Variants in MLLT1 observed in about 807,000 individuals in gnomAD.
MLLT1 encodes the protein protein ENL.
MLLT1 carries 11 observed loss-of-function variants against 55.1 expected under a neutral mutation model. The ratio of observed to expected loss-of-function variants is 0.20; its 90% CI spans 0.13 to 0.33. The LOEUF is 0.33. Ranked by LOEUF, MLLT1 falls within the 10% of genes least tolerant of loss-of-function variation. The probability of loss-of-function intolerance (pLI) is 1.00; values close to 1 mark genes in which losing one functional copy is unlikely to be tolerated. For missense variants in MLLT1, 536 were observed against 760.6 expected (o/e 0.70, Z 3.47); for synonymous variants, 323 against 320.1 (o/e 1.01, Z -0.10).
At chr19:6,215,705 G>C (rs146166579) in intron 8 of MLLT1, among the ~76,000 whole-genome samples, 2,228 of 152,294 alleles carry the variant, frequency 0.015, 26 homozygotes, top group Non-Finnish European at 0.023. Flanking sequence ...AGGCCTGGAG[G>C]CCTCAGCCTC....
chr19:6,227,249 T>G lies in MLLT1; in HGVS notation c.421-147A>C. On this transcript the variant is annotated intron_variant, in intron 4 of 11. Transcript: ENST00000252674. This position sits in a 1 kb window ranked among gnomAD's most constrained non-coding sequence, Gnocchi z 5.1. Reference sequence around the variant, plus strand: ...CCCGAAAGAATCCCAGGTGCTTCCCTGCTGGGGACTGGGTGCTGAGCACGC... The same window carrying G: ...CCCGAAAGAATCCCAGGTGCTTCCCGGCTGGGGACTGGGTGCTGAGCACGC... The G allele has an allele frequency of 1.3e-6, 1 of 779,238 alleles. No individual in the cohort carries two copies. The highest frequency in any genetic ancestry group is 2.0e-5 in the South Asian group (1 of 48,932). 48.3% of individuals were successfully genotyped at this position (779,238 alleles called of 1,614,324 possible). A position where few individuals can be genotyped will look rare whatever the true frequency, so the allele number is the denominator to read the frequency against.
chr19:6,257,200 AT>A (rs1362121557), intron 3 of MLLT1, among the ~76,000 whole-genome samples: 3 of 152,190 alleles, frequency 2.0e-5, no homozygotes, highest in African/African-American at 7.2e-5. Context: ...CATTTAAAAC[AT>A]TCATGCAACA....
Position 6,230,551 on chromosome 19 carries a change from A to T in MLLT1, c.420+19T>A, listed in dbSNP as rs768489420. Reference sequence around the variant, plus strand: ...TCGGTGGAGCGGCCCCTTGGCGGGCAGGGGCGGGGCACACTCACCCCGCCG... The same window carrying T: ...TCGGTGGAGCGGCCCCTTGGCGGGCTGGGGCGGGGCACACTCACCCCGCCG... On this transcript the variant is annotated intron_variant, in intron 4 of 11. Transcript: ENST00000252674. The surrounding 1 kb of genome is among the most constrained non-coding windows in gnomAD (Gnocchi z 9.0). 1 of 1,611,050 alleles carries T rather than the reference A, an allele frequency of 6.2e-7. No individual in the cohort carries two copies. The highest frequency in any genetic ancestry group is 8.5e-7 in the Non-Finnish European group (1 of 1,179,344).
In MLLT1 at chr19:6,211,016, C is replaced by G. The variant is rs950306118; in HGVS notation, c.*2026G>C. 1 of 231,662 alleles carries G rather than the reference C, an allele frequency of 4.3e-6. No homozygotes were observed. Among genetic ancestry groups the G allele is most frequent in the East Asian group, 6.1e-5 (1 of 16,376 alleles). The allele number at this position is 231,662 out of a possible 1,614,324, so 14.4% of individuals were successfully genotyped here. A position where few individuals can be genotyped will look rare whatever the true frequency, so the allele number is the denominator to read the frequency against. ...GCAGGCGGGGGAGCCCGACCCTCCTCTGGCTGAGTGGAAGGCTGCTCGAGT... is the reference window on the plus strand; with the variant it reads ...GCAGGCGGGGGAGCCCGACCCTCCTGTGGCTGAGTGGAAGGCTGCTCGAGT... On this transcript the variant is annotated 3_prime_UTR_variant, in exon 12 of 12. Coordinates refer to ENST00000252674, the MANE Select transcript of MLLT1 (RefSeq NM_005934.4). This position sits in a 1 kb window ranked among gnomAD's most constrained non-coding sequence, Gnocchi z 4.6.
At chr19:6,279,344 G>A (rs1445993835) in intron 1 of MLLT1, among the ~76,000 whole-genome samples, 1 of 152,248 alleles carries the variant, frequency 6.6e-6, no homozygotes, top group African/African-American at 2.4e-5. Context: ...CCCCGGGAGG[G>A]GTCTGAACAG....
Position 6,262,431 on chromosome 19 carries a change from G to T in MLLT1, c.194-121C>A, listed in dbSNP as rs554680941. Reference sequence around the variant, plus strand: ...CTCACAGGGGCTTGGCTGGCCTCTCGGGGGTGGCTTTTCAGGAGGTTAAGC... The same window carrying T: ...CTCACAGGGGCTTGGCTGGCCTCTCTGGGGTGGCTTTTCAGGAGGTTAAGC... On this transcript the variant is annotated intron_variant, in intron 2 of 11. Coordinates refer to ENST00000252674, the MANE Select transcript of MLLT1 (RefSeq NM_005934.4). This position sits in a 1 kb window ranked among gnomAD's most constrained non-coding sequence, Gnocchi z 4.4. 2.7e-6 allele frequency: 2 copies of T among 751,354 alleles called. No homozygotes were observed. The highest frequency in any genetic ancestry group is 2.6e-5 in the East Asian group (1 of 38,072). The allele number at this position is 751,354 out of a possible 1,614,324, so 46.5% of individuals were successfully genotyped here. A position where few individuals can be genotyped will look rare whatever the true frequency, so the allele number is the denominator to read the frequency against.
chr19:6,264,887 T>G (rs1253356266), intron 2 of MLLT1, among the ~76,000 whole-genome samples: 1 of 82,880 alleles, frequency 1.2e-5, no homozygotes, highest in Non-Finnish European at 2.3e-5. Flanking sequence ...TGAGCGAAAC[T>G]CTGTTAAAAA....
In MLLT1 at chr19:6,270,928, C is replaced by T. The variant is rs553222612; in HGVS notation, c.13-169G>A. On this transcript the variant is annotated intron_variant, in intron 1 of 11. Transcript: ENST00000252674. The surrounding 1 kb of genome is among the most constrained non-coding windows in gnomAD (Gnocchi z 7.1). ...TATCGCGCCAGCACCTTGCCGCAGACGTCCCGTGCCTTCTCCCCTCCGTAC... is the reference window on the plus strand; with the variant it reads ...TATCGCGCCAGCACCTTGCCGCAGATGTCCCGTGCCTTCTCCCCTCCGTAC... 3.9e-5 allele frequency among the ~76,000 whole-genome samples: 6 copies of T among 152,280 alleles called. No individual in the cohort carries two copies. The highest frequency in any genetic ancestry group is 7.2e-5 in the African/African-American group (3 of 41,562).
chr19:6,279,198 T>C (rs2091443965), intron 1 of MLLT1, among the ~76,000 whole-genome samples: 1 of 151,226 alleles, frequency 6.6e-6, no homozygotes. Context: ...TGAGCTGAGG[T>C]TGAAGGGAAG....
intron 5 of MLLT1, among the ~76,000 whole-genome samples, chr19:6,223,749 C>T (rs1374206594): frequency 6.6e-6 from 1 of 152,170 alleles, no homozygotes; most frequent in East Asian, 1.9e-4. Context: ...TGCCAGCACT[C>T]CCCACGGTGG....
At chr19:6,232,272 G>C (rs999989949) in intron 3 of MLLT1, among the ~76,000 whole-genome samples, 1 of 152,142 alleles carries the variant, frequency 6.6e-6, no homozygotes, top group Non-Finnish European at 1.5e-5. Flanking sequence ...AAACAAACAT[G>C]CAGGCTCATG....
At chr19:6,214,350 T>C (rs1354452287) in intron 8 of MLLT1, among the ~76,000 whole-genome samples, 1 of 152,166 alleles carries the variant, frequency 6.6e-6, no homozygotes, top group East Asian at 1.9e-4. Context: ...TCCTCTGACT[T>C]GGTTCTGTGG....
Position 6,222,188 on chromosome 19 carries a change from C to A in MLLT1, c.1043G>T (p.Arg348Leu). 1 of 1,597,786 alleles carries A rather than the reference C, an allele frequency of 6.3e-7. No individual in the cohort carries two copies. The highest frequency in any genetic ancestry group is 1.1e-5 in the South Asian group (1 of 89,144). ...CACCTCCAGGGCCTTTTTGGCCTCCCGGGGCTCACTCTCGGCCTTCACCTT... is the reference window on the plus strand; with the variant it reads ...CACCTCCAGGGCCTTTTTGGCCTCCAGGGGCTCACTCTCGGCCTTCACCTT... ...GEKVKAESEP[R>L]EAKKALEVEE... Residue 348 changes from arginine (R) to leucine (L), a missense_variant, in exon 6 of 12, where the codon CGG (arginine) becomes CTG (leucine). By Grantham distance (102) the Arg-to-Leu change is moderately radical. Coordinates refer to ENST00000252674, the MANE Select transcript of MLLT1 (RefSeq NM_005934.4). This position sits in a 1 kb window ranked among gnomAD's most constrained non-coding sequence, Gnocchi z 4.1.
At chr19:6,255,898 G>A (rs747092344) in intron 3 of MLLT1, among the ~76,000 whole-genome samples, 10 of 152,178 alleles carry the variant, frequency 6.6e-5, no homozygotes, top group African/African-American at 9.7e-5. Context: ...GGCCCAAGGC[G>A]AAAGGATCGC....
chr19:6,222,384 A>C lies in MLLT1; in HGVS notation c.847T>G (p.Ser283Ala). Residue 283 changes from serine to alanine, a missense_variant, in exon 6 of 12, where the codon TCC becomes GCC. Ser to Ala is a moderately conservative substitution (Grantham distance 99). Transcript: ENST00000252674. This position sits in a 1 kb window ranked among gnomAD's most constrained non-coding sequence, Gnocchi z 4.1. The part of the protein sequence containing the change: ...PPPPPPPPRA[S>A]SKRPATADSP... ...TCGGCGGTGGCCGGCCGCTTGCTGG[A>C]AGCCCGGGGTGGGGGTGGGGGTGGG... 3 of 386,974 alleles carry C rather than the reference A, an allele frequency of 7.8e-6. No individual in the cohort carries two copies. Among genetic ancestry groups the C allele is most frequent in the Non-Finnish European group, 7.6e-6 (2 of 263,730 alleles). The allele number at this position is 386,974 out of a possible 1,614,324, so 24.0% of individuals were successfully genotyped here.
In MLLT1 at chr19:6,219,280, C is replaced by T. The variant is rs183821909; in HGVS notation, c.1111-1239G>A. Among the ~76,000 whole-genome samples, 7 of 152,180 alleles carry T rather than the reference C, an allele frequency of 4.6e-5. No individual in the cohort carries two copies. The highest frequency in any genetic ancestry group is 1.7e-4 in the African/African-American group (7 of 41,450). ...CCCTCAAACCAGCCCCTGCCAGCGCCCCTTCCCACCAACACATGGCGCTCC... is the reference window on the plus strand; with the variant it reads ...CCCTCAAACCAGCCCCTGCCAGCGCTCCTTCCCACCAACACATGGCGCTCC... On this transcript the variant is annotated intron_variant, in intron 6 of 11. Coordinates refer to ENST00000252674, the MANE Select transcript of MLLT1 (RefSeq NM_005934.4). The surrounding 1 kb of genome is among the most constrained non-coding windows in gnomAD (Gnocchi z 4.5).
At chr19:6,279,574 G>A (rs1409870895) in intron 1 of MLLT1, among the ~76,000 whole-genome samples, 199 bp downstream of exon 1, 2 of 151,632 alleles carry the variant, frequency 1.3e-5, no homozygotes, top group Admixed American at 1.3e-4. Context: ...GTCCCGAAGG[G>A]TGTCCGAGGC....
Position 6,212,397 on chromosome 19 carries a change from C to T in MLLT1, c.*645G>A. 9.4e-7 allele frequency: 1 copy of T among 1,066,092 alleles called. No homozygotes were observed. The highest frequency in any genetic ancestry group is 5.0e-5 in the East Asian group (1 of 20,188). The allele number at this position is 1,066,092 out of a possible 1,614,324, so 66.0% of individuals were successfully genotyped here. On this transcript the variant is annotated 3_prime_UTR_variant, in exon 12 of 12. Transcript: ENST00000252674. ...CGCAGAGACATCTTAACCTACAAGC[C>T]CCACCGTACGCACCCCCCACCCACC...
At chr19:6,271,793 T>C (rs1401115975) in intron 1 of MLLT1, among the ~76,000 whole-genome samples, 2 of 152,212 alleles carry the variant, frequency 1.3e-5, no homozygotes, top group African/African-American at 4.8e-5. Context: ...AGCCAGACCA[T>C]GGCCTGAGTC....
Sources: allele counts gnomAD v4.1 joint callset (sites outside exome capture counted in the v4.1 genomes callset), GRCh38; gene constraint gnomAD v4.1.1; non-coding constraint Gnocchi (gnomAD v3.1); transcripts MANE v1.5; gene names NCBI Gene and HGNC (gene_info 2026-07-23, HGNC 2026-07-21).